The following ADCY10 variants were observed in gnomAD, a reference collection of about 807,000 sequenced individuals.
ADCY10 encodes the protein adenylate cyclase type 10.
A neutral mutation model predicts 183.3 loss-of-function variants in ADCY10; 156 were observed. The observed-to-expected ratio is 0.85, with a 90% confidence interval of 0.75 to 0.97. ADCY10 has a LOEUF of 0.97. ADCY10 is among the 50% of genes least tolerant of loss of function. The probability of loss-of-function intolerance (pLI) is 0.00; values close to 1 mark genes in which losing one functional copy is unlikely to be tolerated. For synonymous variants in ADCY10, 645 were observed against 670.0 expected, an observed-to-expected ratio of 0.96 and a Z score of 0.58; for missense variants, 1,745 against 1,934.3, an observed-to-expected ratio of 0.90 and a Z score of 1.84.
chr1:167,841,502 C>CTTTTTTTTT (rs71100905), intron 21 of ADCY10, among the ~76,000 whole-genome samples: 1,085 of 90,770 alleles, frequency 0.012, 115 homozygotes, highest in African/African-American at 0.04. Flanking sequence ...ATATGCTTTC[C>CTTTTTTTTT]TTTTTTTTTT....
chr1:167,840,788 A>G (rs1400995911), intron 21 of ADCY10, among the ~76,000 whole-genome samples: 4 of 152,144 alleles, frequency 2.6e-5, no homozygotes, highest in Non-Finnish European at 5.9e-5. Context: ...TTCTCAAATG[A>G]AAAGAGAAAA....
intron 1 of ADCY10, among the ~76,000 whole-genome samples, chr1:167,913,642 A>G (rs1670290277): frequency 6.6e-6 from 1 of 152,204 alleles, no homozygotes; most frequent in African/African-American, 2.4e-5. Context: ...TTTACTCCAC[A>G]GCACCTTGCC....
chr1:167,856,022 G>T, intron 17 of ADCY10, 143 bp downstream of exon 17: 2 of 944,934 alleles, frequency 2.1e-6, no homozygotes, highest in Non-Finnish European at 3.2e-6. Context: ...CAGAAAAAAA[G>T]AAAAGAAAAA....
chr1:167,877,789 G>A (rs975370779), intron 12 of ADCY10, among the ~76,000 whole-genome samples: 4 of 152,196 alleles, frequency 2.6e-5, no homozygotes, highest in Admixed American at 2.0e-4. Flanking sequence ...AATCCCTCGA[G>A]CTGGGTTTCA....
At chr1:167,837,963 A>G (rs1000774478) in intron 21 of ADCY10, among the ~76,000 whole-genome samples, 2 of 152,246 alleles carry the variant, frequency 1.3e-5, no homozygotes, top group Non-Finnish European at 2.9e-5. Flanking sequence ...AAAACAAATG[A>G]GGCTTGTCTA....
chr1:167,848,350 G>T lies in ADCY10; in HGVS notation c.2437+11C>A. On this transcript the variant is annotated intron_variant, in intron 19 of 32. Transcript: ENST00000367851. ...AGGCGTGAGCCACTGCGCCCGGCCAGATTTTCTTACCTTTTAATGACGTTG... is the reference window on the plus strand; with the variant it reads ...AGGCGTGAGCCACTGCGCCCGGCCATATTTTCTTACCTTTTAATGACGTTG... The T allele has an allele frequency of 6.2e-7, 1 of 1,612,550 alleles. No homozygotes were observed.
At chr1:167,875,691 C>T (rs1327094630) in intron 12 of ADCY10, among the ~76,000 whole-genome samples, 3 of 152,244 alleles carry the variant, frequency 2.0e-5, no homozygotes, top group Non-Finnish European at 4.4e-5. Context: ...TGACTCACGC[C>T]TGTAATCCCA....
intron 18 of ADCY10, among the ~76,000 whole-genome samples, chr1:167,852,223 A>G (rs569254520): frequency 6.6e-6 from 1 of 152,278 alleles, no homozygotes; most frequent in East Asian, 1.9e-4. Flanking sequence ...CGGGCAGATC[A>G]CTTGAGGTCA....
At position 167,862,525 on chromosome 1, in the gene ADCY10, T is replaced by C. The variant is rs1234296924; in HGVS notation, c.1617-1462A>G. Among the ~76,000 whole-genome samples, 4 of 152,176 alleles carry C rather than the reference T, an allele frequency of 2.6e-5. No individual in the cohort carries two copies. In the South Asian group the frequency reaches 8.3e-4, roughly 32 times the overall value. On this transcript the variant is annotated intron_variant, in intron 14 of 32. Coordinates refer to ENST00000367851, the MANE Select transcript of ADCY10 (RefSeq NM_018417.6). ...ATGGTCCAGAGAAGAAAAGATGCCT[T>C]GATCTCAGACTCCTACCCCTGAGAA...
intron 30 of ADCY10, chr1:167,819,851 C>T: frequency 2.7e-6 from 2 of 728,538 alleles, no homozygotes; most frequent in Non-Finnish European, 2.5e-6. Context: ...AGGTGTCAGC[C>T]ACCGCGCCCG....
Position 167,828,191 on chromosome 1 carries a change from T to C in ADCY10, c.3750+1076A>G, listed in dbSNP as rs185265577. Among the ~76,000 whole-genome samples the C allele has an allele frequency of 3.1e-3, 467 of 152,366 alleles. 2 individuals are homozygous for C. The highest frequency in any genetic ancestry group is 7.3e-3 in the Admixed American group (112 of 15,310). ...TTAATATAAGTGATATGATTTGTTT[T>C]TCATAGAAATGTAAATATTCAGTGG... On this transcript the variant is annotated intron_variant, in intron 26 of 32. Transcript: ENST00000367851.
chr1:167,878,402 C>T, intron 12 of ADCY10, 44 bp downstream of exon 12: 1 of 1,596,374 alleles, frequency 6.3e-7, no homozygotes, highest in Non-Finnish European at 8.6e-7. Context: ...AATTCTCCCG[C>T]TTCTTTACTA....
At chr1:167,809,886 T>G in intron 32 of ADCY10, 47 bp from the exon 33 acceptor site, 1 of 1,593,346 alleles carries the variant, frequency 6.3e-7, no homozygotes, top group Non-Finnish European at 8.6e-7. Flanking sequence ...GCTTCTTGAC[T>G]TTTGTAATCA....
At chr1:167,829,551 T>C in intron 25 of ADCY10, 128 bp from the exon 26 acceptor site, 1 of 1,004,136 alleles carries the variant, frequency 1.0e-6, no homozygotes, top group East Asian at 2.4e-5. Flanking sequence ...TTGAGGCCTG[T>C]CTCCATGACT....
chr1:167,896,722 T>C, intron 6 of ADCY10, 31 bp from the exon 7 acceptor site: 5 of 1,429,158 alleles, frequency 3.5e-6, no homozygotes, highest in Non-Finnish European at 4.9e-6. Flanking sequence ...AGTTTTCAGT[T>C]ATTCTGAGAA....
chr1:167,838,372 C>A (rs1664378266), intron 21 of ADCY10, among the ~76,000 whole-genome samples: 1 of 152,168 alleles, frequency 6.6e-6, no homozygotes, highest in South Asian at 2.1e-4. Flanking sequence ...TCTAAAACTG[C>A]TGTTGTTAAA....
At chr1:167,834,206 C>T (rs771065459) in intron 23 of ADCY10, 129 bp from the exon 24 acceptor site, 3 of 728,814 alleles carry the variant, frequency 4.1e-6, no homozygotes, top group Non-Finnish European at 7.3e-6. Context: ...CCACTTCCAT[C>T]CCCAGCTCCA....
chr1:167,875,238 G>A, intron 12 of ADCY10, 52 bp from the exon 13 acceptor site: 2 of 1,548,770 alleles, frequency 1.3e-6, no homozygotes, highest in Middle Eastern at 1.7e-4. Context: ...GGGACATATT[G>A]AGAGCAAGAG....
At chr1:167,842,859 T>C (rs1170403361) in intron 21 of ADCY10, among the ~76,000 whole-genome samples, 2 of 152,184 alleles carry the variant, frequency 1.3e-5, no homozygotes, top group Non-Finnish European at 2.9e-5. Flanking sequence ...GCAATGTTAA[T>C]ATACCATTTA....
Sources: gnomAD v4.1 joint callset for allele counts (sites outside exome capture counted in the v4.1 genomes callset) on GRCh38, gnomAD v4.1.1 for gene constraint, MANE v1.5 for transcripts, NCBI Gene and HGNC (gene_info 2026-07-23, HGNC 2026-07-21) for gene names.